Variants in LAMA1 observed in about 807,000 individuals in gnomAD.
The protein encoded by LAMA1 is laminin subunit alpha-1.
LAMA1 carries 219 observed loss-of-function variants against 348.7 expected under a neutral mutation model. The observed-to-expected ratio is 0.63, with a 90% CI of 0.56 to 0.70. The LOEUF (loss-of-function observed/expected upper bound fraction) is 0.70. Among genes scored for constraint, LAMA1 ranks in the 30% least tolerant of loss-of-function variants. The pLI is 0.00. For missense variants in LAMA1, 3,744 were observed against 3,888.0 expected, an observed-to-expected ratio of 0.96 and a Z score of 0.99; for synonymous variants, 1,487 against 1,491.0, an observed-to-expected ratio of 1.00 and a Z score of 0.06.
intron 57 of LAMA1, chr18:6,954,668 G>A (rs2143987512): frequency 6.2e-6 from 1 of 160,354 alleles, no homozygotes; most frequent in South Asian, 1.8e-4. Flanking sequence ...CAGGTGTTAG[G>A]CAGCTGTTGA....
chr18:7,001,390 T>C (rs2057807088), intron 30 of LAMA1, among the ~76,000 whole-genome samples: 1 of 152,190 alleles, frequency 6.6e-6, no homozygotes, highest in Admixed American at 6.5e-5. Context: ...AGTATTTCTA[T>C]AGCACAGACT....
At chr18:7,068,938 A>G (rs1391824002) in intron 3 of LAMA1, among the ~76,000 whole-genome samples, 1 of 151,990 alleles carries the variant, frequency 6.6e-6, no homozygotes, top group East Asian at 1.9e-4. Flanking sequence ...CTTTTTTCCC[A>G]TAAATATACA....
rs746479112 is a variant in LAMA1 at position 6,980,614 on chromosome 18, A to G, written c.5914T>C (p.Leu1972=). The G allele has an allele frequency of 1.9e-6, 3 of 1,611,932 alleles. No homozygotes were observed. Among genetic ancestry groups the G allele is most frequent in the African/African-American group, 2.7e-5 (2 of 74,878 alleles). The change falls in exon 42 of 63, where the codon TTG becomes CTG. Residue 1972 remains leucine, a synonymous_variant. Coordinates refer to ENST00000389658, the MANE Select transcript of LAMA1 (RefSeq NM_005559.4). ...TGAAATCTGTTTGTCTTATTTCTCAATTCACTCAGTTCCAATGCAATACCT... is the reference window on the plus strand; with the variant it reads ...TGAAATCTGTTTGTCTTATTTCTCAGTTCACTCAGTTCCAATGCAATACCT... The part of the protein sequence containing the change: ...LPGIALELSE[L]RNKTNRFQEN...
chr18:6,983,863 G>A (rs1600371692), intron 39 of LAMA1, among the ~76,000 whole-genome samples: 2 of 152,282 alleles, frequency 1.3e-5, no homozygotes, highest in Admixed American at 1.3e-4. Flanking sequence ...GCACATCTTT[G>A]CCTGCTGAGT....
intron 12 of LAMA1, 66 bp downstream of exon 12, chr18:7,037,512 A>G: frequency 6.3e-7 from 1 of 1,583,084 alleles, no homozygotes. Flanking sequence ...CAGGCAGCGC[A>G]AGTTCTTTCT....
chr18:6,996,786 T>A (rs1260292387), intron 33 of LAMA1, among the ~76,000 whole-genome samples: 2 of 151,830 alleles, frequency 1.3e-5, no homozygotes, highest in African/African-American at 4.8e-5. Flanking sequence ...CTCAAAAAAA[T>A]AATAAAATAA....
At position 6,993,624 on chromosome 18, in the gene LAMA1, G is replaced by A. The variant is rs769624700; in HGVS notation, c.5008+17C>T. On this transcript the variant is annotated intron_variant, in intron 35 of 62. Coordinates refer to ENST00000389658, the MANE Select transcript of LAMA1 (RefSeq NM_005559.4). The stretch of plus-strand genomic sequence containing the variant: ...AGATAAGCACAGATACTTCAAACTA[G>A]ACACTGCCCACACTACCTGTGATGC... The A allele has an allele frequency of 6.5e-7, 1 of 1,537,722 alleles. No homozygotes were observed. The highest frequency in any genetic ancestry group is 9.0e-7 in the Non-Finnish European group (1 of 1,109,980).
At chr18:6,979,645 A>C (rs2057699289) in intron 42 of LAMA1, among the ~76,000 whole-genome samples, 1 of 152,168 alleles carries the variant, frequency 6.6e-6, no homozygotes, top group Admixed American at 6.5e-5. Context: ...CACGCCTGTA[A>C]TCCCAACACT....
At position 6,985,370 on chromosome 18, in the gene LAMA1, A is replaced by G. The variant is rs751915893; in HGVS notation, c.5527T>C (p.Leu1843=). Reference sequence around the variant, plus strand: ...TGGTGCCTGATTTTGGCAGACCATAAAAGTAGCTTATCCTGGTGATCCTCT... The same window carrying G: ...TGGTGCCTGATTTTGGCAGACCATAGAAGTAGCTTATCCTGGTGATCCTCT... ...HLEDHQDKLL[L]WSAKIRHHID... is the part of the protein sequence containing the mutation. Residue 1843 remains leucine, a synonymous_variant, in exon 39 of 63, where the codon TTA becomes CTA. Coordinates refer to ENST00000389658, the MANE Select transcript of LAMA1 (RefSeq NM_005559.4). The G allele has an allele frequency of 2.5e-6, 4 of 1,614,236 alleles. No individual in the cohort carries two copies. In the South Asian group the frequency reaches 4.4e-5, roughly 18 times the overall value.
intron 34 of LAMA1, among the ~76,000 whole-genome samples, chr18:6,994,900 T>C (rs1420835697): frequency 2.6e-5 from 4 of 152,092 alleles, no homozygotes; most frequent in African/African-American, 9.7e-5. Context: ...GCCTGAAGCC[T>C]GAAGTTTGCA....
At chr18:7,014,492 C>A (rs1051308022) in intron 22 of LAMA1, among the ~76,000 whole-genome samples, 13 of 151,982 alleles carry the variant, frequency 8.6e-5, no homozygotes, top group South Asian at 2.1e-4. Context: ...CGTGATAGCA[C>A]ATGCCTGTAG....
At chr18:7,062,665 G>T (rs1352614247) in intron 3 of LAMA1, among the ~76,000 whole-genome samples, 1 of 152,126 alleles carries the variant, frequency 6.6e-6, no homozygotes. Flanking sequence ...CAAAACATGA[G>T]TGAGAAGGAA....
At chr18:7,086,178 T>C (rs1347448563) in intron 1 of LAMA1, among the ~76,000 whole-genome samples, 3 of 152,304 alleles carry the variant, frequency 2.0e-5, no homozygotes, top group African/African-American at 7.2e-5. Context: ...ACCGAGCTTT[T>C]CCTGACCCCA....
rs373755843 is a variant in LAMA1, at chr18:6,959,345, G to A, written c.7774C>T (p.Arg2592Trp). The change falls in exon 54 of 63, where the codon CGG becomes TGG. Residue 2592 changes from arginine (R) to tryptophan (W), a missense_variant. Arg to Trp is a moderately radical substitution (Grantham distance 101, BLOSUM62 -3). Around this residue, in one of 3 missense-constraint regions of LAMA1, gnomAD observed 1,983 missense variants for 1,934.3 expected, o/e 1.03. Coordinates refer to ENST00000389658, the MANE Select transcript of LAMA1 (RefSeq NM_005559.4). Reference protein sequence around the residue: ...QAHSISLVRNRRIITVQLDEN... With the variant: ...QAHSISLVRNWRIITVQLDEN... Reference sequence around the variant, plus strand: ...TGCCTGGCCGCGTGCAAGTACCTCCGATTCCTGACCAAGGAGATGGAATGC... The same window carrying A: ...TGCCTGGCCGCGTGCAAGTACCTCCAATTCCTGACCAAGGAGATGGAATGC... The A allele has an allele frequency of 5.6e-6, 9 of 1,613,906 alleles. No individual in the cohort carries two copies. Among genetic ancestry groups the A allele is most frequent in the Admixed American group, 5.0e-5 (3 of 59,984 alleles).
chr18:6,980,935 A>T (rs2057708810), intron 41 of LAMA1, among the ~76,000 whole-genome samples: 16 of 152,080 alleles, frequency 1.1e-4, no homozygotes, highest in Admixed American at 1.0e-3. Context: ...TCTACTAAAA[A>T]TAAAAATAAA....
chr18:7,001,279 G>C (rs952958611), intron 30 of LAMA1, among the ~76,000 whole-genome samples: 2 of 151,562 alleles, frequency 1.3e-5, no homozygotes, highest in African/African-American at 4.9e-5. Flanking sequence ...GTAACACAAT[G>C]TATATAATCA....
intron 5 of LAMA1, among the ~76,000 whole-genome samples, chr18:7,048,659 A>T: frequency 6.6e-6 from 1 of 152,160 alleles, no homozygotes; most frequent in East Asian, 1.9e-4. Context: ...GGATATGAAA[A>T]TTTTTGCGAC....
chr18:6,949,021 G>A, intron 59 of LAMA1, 80 bp downstream of exon 59: 1 of 1,549,956 alleles, frequency 6.5e-7, no homozygotes, highest in Non-Finnish European at 8.9e-7. Flanking sequence ...TAAACATAAA[G>A]ATGCCGTGAG....
chr18:7,005,183 A>T (rs749006088), intron 29 of LAMA1, among the ~76,000 whole-genome samples: 1 of 152,226 alleles, frequency 6.6e-6, no homozygotes, highest in Non-Finnish European at 1.5e-5. Flanking sequence ...GCCTTTGGAC[A>T]TGGGAAAGAG....
Sources: gnomAD v4.1 joint callset for allele counts (sites outside exome capture counted in the v4.1 genomes callset) on GRCh38, gnomAD v4.1.1 for gene constraint, gnomAD v4.1.1 regional missense constraint, MANE v1.5 for transcripts, NCBI Gene and HGNC (gene_info 2026-07-23, HGNC 2026-07-21) for gene names.